Variants in EPHB1 observed in about 807,000 individuals in gnomAD.
EPHB1 encodes the protein EPH receptor B1.
EPHB1 carries 30 observed loss-of-function variants against 94.4 expected under a neutral mutation model. That is an observed-to-expected ratio of 0.32 (90% confidence interval 0.24 to 0.43). The LOEUF (loss-of-function observed/expected upper bound fraction) is 0.43, where lower values mean the gene tolerates loss of function less well. EPHB1 is among the 20% of genes least tolerant of loss of function. The probability of loss-of-function intolerance (pLI) is 1.00; values close to 1 mark genes in which losing one functional copy is unlikely to be tolerated. For synonymous variants in EPHB1, 522 were observed against 489.1 expected (o/e 1.07, Z -0.89); for missense variants, 1,055 against 1,308.3 (o/e 0.81, Z 2.99).
At position 134,827,388 on chromosome 3, in the gene EPHB1, C is replaced by CAT. The variant is rs534277404; in HGVS notation, c.58+31701_58+31702dup. Among the ~76,000 whole-genome samples the CAT allele has an allele frequency of 2.1e-5, 3 of 145,308 alleles. No homozygotes were observed. In the South Asian group the frequency reaches 6.5e-4, roughly 32 times the overall value. On this transcript the variant is annotated intron_variant, in intron 1 of 15. Transcript: ENST00000398015. ...GCACACACACACACACACACACACA[C>CAT]ATACACACACACTCCTTATGGGCTT...
In EPHB1 at chr3:135,259,060, C is replaced by T. The variant is rs1466536425; in HGVS notation, c.2895C>T (p.Ile965=). The T allele has an allele frequency of 6.2e-7, 1 of 1,610,806 alleles. No individual in the cohort carries two copies. Among genetic ancestry groups the T allele is most frequent in the Non-Finnish European group, 8.5e-7 (1 of 1,178,742 alleles). ...CCTTGGCAGGCCATCAGAAGAAGAT[C>T]CTGAACAGCATTCATTCTATGAGGG... ...GITLAGHQKK[I]LNSIHSMRVQ... Residue 965 remains isoleucine, a synonymous_variant, in exon 16 of 16, where the codon ATC becomes ATT. Transcript: ENST00000398015.
chr3:135,228,653 A>C (rs1369810929), intron 12 of EPHB1, among the ~76,000 whole-genome samples: 2 of 152,044 alleles, frequency 1.3e-5, no homozygotes, highest in Non-Finnish European at 2.9e-5. Flanking sequence ...CTCTCAACCA[A>C]CGTTTCTCAA....
chr3:134,962,032 AT>A (rs1268173708), intron 3 of EPHB1, among the ~76,000 whole-genome samples: 1 of 152,214 alleles, frequency 6.6e-6, no homozygotes, highest in Non-Finnish European at 1.5e-5. Context: ...TAAATTTTTA[AT>A]TTTGGTAGAT....
intron 4 of EPHB1, among the ~76,000 whole-genome samples, chr3:135,132,432 G>T (rs1362505265): frequency 3.9e-5 from 6 of 151,914 alleles, no homozygotes; most frequent in Non-Finnish European, 7.4e-5. Context: ...GAGAGCAAAA[G>T]GCCTTAAACC....
intron 3 of EPHB1, among the ~76,000 whole-genome samples, chr3:135,066,486 C>T (rs188331353): frequency 1.3e-5 from 2 of 152,302 alleles, no homozygotes; most frequent in Admixed American, 1.3e-4. Flanking sequence ...TTCAGTTCTA[C>T]TGCTGAGAGT....
At chr3:134,851,239 GC>G in intron 1 of EPHB1, among the ~76,000 whole-genome samples, 2 of 152,362 alleles carry the variant, frequency 1.3e-5, no homozygotes, top group African/African-American at 4.8e-5. Flanking sequence ...TGCTATGCAA[GC>G]TTCTCAGGGA....
chr3:135,085,898 G>T (rs1413523445), intron 3 of EPHB1, among the ~76,000 whole-genome samples: 7 of 152,146 alleles, frequency 4.6e-5, no homozygotes, highest in Non-Finnish European at 8.8e-5. Flanking sequence ...ATTTCTTAGT[G>T]CCATACACAC....
At chr3:135,125,463 T>G (rs1304085391) in intron 4 of EPHB1, among the ~76,000 whole-genome samples, 1 of 152,200 alleles carries the variant, frequency 6.6e-6, no homozygotes, top group Non-Finnish European at 1.5e-5. Context: ...TCCTGTCTGA[T>G]GTGCTCCTGT....
intron 4 of EPHB1, among the ~76,000 whole-genome samples, chr3:135,130,040 A>G (rs971683525): frequency 2.0e-5 from 3 of 152,212 alleles, no homozygotes; most frequent in African/African-American, 7.2e-5. Context: ...CAGGGGGGAA[A>G]TTGTGCAGAA....
chr3:134,974,985 T>A (rs1291902162), intron 3 of EPHB1, among the ~76,000 whole-genome samples: 1 of 93,148 alleles, frequency 1.1e-5, no homozygotes. Context: ...TCTTTTTTCC[T>A]CCCCTCTCTC....
intron 3 of EPHB1, among the ~76,000 whole-genome samples, chr3:135,066,328 A>G (rs778625223): frequency 5.3e-5 from 8 of 152,330 alleles, no homozygotes; most frequent in East Asian, 1.9e-4. Context: ...TTCCTCAGGA[A>G]CACCAATTAT....
intron 3 of EPHB1, among the ~76,000 whole-genome samples, chr3:135,081,927 A>C (rs768948500): frequency 4.0e-5 from 6 of 151,784 alleles, no homozygotes; most frequent in Non-Finnish European, 7.4e-5. Context: ...GAAAGAGGAG[A>C]AGAAGAGGAG....
intron 9 of EPHB1, among the ~76,000 whole-genome samples, chr3:135,174,914 A>T (rs1012311141): frequency 6.6e-6 from 1 of 152,204 alleles, no homozygotes; most frequent in Non-Finnish European, 1.5e-5. Context: ...ACTACCTCTG[A>T]AACCATACTG....
intron 3 of EPHB1, among the ~76,000 whole-genome samples, chr3:135,086,432 T>G (rs1453145971): frequency 6.6e-6 from 1 of 151,728 alleles, no homozygotes; most frequent in African/African-American, 2.4e-5. Context: ...CCAGCTTATT[T>G]GGAACACTCA....
intron 1 of EPHB1, among the ~76,000 whole-genome samples, chr3:134,906,462 A>T (rs1448970982): frequency 6.6e-6 from 1 of 152,238 alleles, no homozygotes; most frequent in African/African-American, 2.4e-5. Flanking sequence ...TAATTGTACA[A>T]TAAAATAATG....
chr3:134,823,459 T>C (rs941322679), intron 1 of EPHB1, among the ~76,000 whole-genome samples: 15 of 152,128 alleles, frequency 9.9e-5, no homozygotes, highest in Admixed American at 6.5e-5. Flanking sequence ...GGTCTGGGGG[T>C]CTTGGGGAAG....
At position 135,259,207 on chromosome 3, in the gene EPHB1, G is replaced by A; in HGVS notation, c.*87G>A. 2 of 1,031,562 alleles carry A rather than the reference G, an allele frequency of 1.9e-6. No individual in the cohort carries two copies. The highest frequency in any genetic ancestry group is 2.9e-6 in the Non-Finnish European group (2 of 692,096). The allele number at this position is 1,031,562 out of a possible 1,614,324, so 63.9% of individuals were successfully genotyped here. A position where few individuals can be genotyped will look rare whatever the true frequency, so the allele number is the denominator to read the frequency against. On this transcript the variant is annotated 3_prime_UTR_variant, in exon 16 of 16. Coordinates refer to ENST00000398015, the MANE Select transcript of EPHB1 (RefSeq NM_004441.5). ...GTTGACCACTGTGGAATGTACTGGA[G>A]AGACTGGCTTCTCAGCTGAGGAATG... is the stretch of plus-strand genomic sequence containing the variant.
chr3:135,033,557 T>C (rs1936552198), intron 3 of EPHB1, among the ~76,000 whole-genome samples: 1 of 152,204 alleles, frequency 6.6e-6, no homozygotes, highest in Non-Finnish European at 1.5e-5. Context: ...CTAGGAAAGT[T>C]ACCACTGTTC....
At chr3:135,094,249 T>C (rs535078331) in intron 3 of EPHB1, among the ~76,000 whole-genome samples, 2 of 152,330 alleles carry the variant, frequency 1.3e-5, no homozygotes, top group East Asian at 3.9e-4. Context: ...CTCCCCTCCA[T>C]GCTGATCATT....
Sources: allele counts gnomAD v4.1 joint callset (sites outside exome capture counted in the v4.1 genomes callset), GRCh38; gene constraint gnomAD v4.1.1; transcripts MANE v1.5; gene names NCBI Gene and HGNC (gene_info 2026-07-23, HGNC 2026-07-21).